SEPTIN2: variants seen among roughly 807,000 people sequenced by gnomAD.
The protein encoded by SEPTIN2 is septin 2.
In SEPTIN2, 34 loss-of-function variants were observed where a neutral mutation model predicts 46.5. The observed-to-expected ratio is 0.73, with a 90% CI of 0.56 to 0.97. The LOEUF is 0.97. Among genes scored for constraint, SEPTIN2 ranks in the 50% least tolerant of loss-of-function variants. SEPTIN2 has a pLI of 0.00. For missense variants in SEPTIN2, 347 were observed against 448.4 expected, an observed-to-expected ratio of 0.77 and a Z score of 2.04; for synonymous variants, 175 against 153.4, an observed-to-expected ratio of 1.14 and a Z score of -1.04.
intron 1 of SEPTIN2, chr2:241,316,579 G>C (rs1487184388): frequency 6.8e-7 from 1 of 1,479,790 alleles, no homozygotes; most frequent in Non-Finnish European, 9.0e-7. Flanking sequence ...GCAGGGGGTA[G>C]GGTATAGGGT....
chr2:241,317,109 TAAAG>T (rs938213155), intron 1 of SEPTIN2: 14 of 152,278 alleles, frequency 9.2e-5, no homozygotes, highest in African/African-American at 3.4e-4. Context: ...TCTGCCGTCA[TAAAG>T]AAAAACATCA....
chr2:241,343,719 T>TG, intron 8 of SEPTIN2, 33 bp from the exon 9 acceptor site: 1 of 1,613,034 alleles, frequency 6.2e-7, no homozygotes, highest in Non-Finnish European at 8.5e-7. Flanking sequence ...GTTCCCTGTG[T>TG]GGAGCCTGTC....
intron 7 of SEPTIN2, among the ~76,000 whole-genome samples, chr2:241,340,246 T>C (rs1007490473): frequency 9.2e-5 from 14 of 152,258 alleles, no homozygotes; most frequent in African/African-American, 2.7e-4. Context: ...ATTGCCGATG[T>C]GAGTATCTGT....
chr2:241,320,241 G>A (rs930957747), intron 1 of SEPTIN2: 5 of 471,006 alleles, frequency 1.1e-5, no homozygotes, highest in Admixed American at 2.3e-5. Context: ...CTTGTCCAAG[G>A]TTAGATGGAG....
chr2:241,338,981 A>C, intron 7 of SEPTIN2, among the ~76,000 whole-genome samples: 1 of 110,174 alleles, frequency 9.1e-6, no homozygotes. Flanking sequence ...ATAATATATA[A>C]ATATATTTAT....
chr2:241,316,790 G>A (rs1196258537), intron 1 of SEPTIN2: 10 of 387,944 alleles, frequency 2.6e-5, no homozygotes, highest in Admixed American at 4.6e-5. Context: ...TGAACTTCTT[G>A]TAGTTCAAAC....
At chr2:241,327,050 C>CAAAAA (rs59492636) in intron 3 of SEPTIN2, among the ~76,000 whole-genome samples, 7 of 66,022 alleles carry the variant, frequency 1.1e-4, no homozygotes, top group African/African-American at 3.6e-4. Context: ...AACCTTGTCT[C>CAAAAA]AAAAAAAAAA....
chr2:241,320,832 C>T (rs1330273642), intron 1 of SEPTIN2, among the ~76,000 whole-genome samples: 2 of 152,050 alleles, frequency 1.3e-5, no homozygotes, highest in African/African-American at 4.8e-5. Context: ...GTTTACCCTT[C>T]TTTTTCCCCC....
In SEPTIN2 at chr2:241,336,108, C is replaced by T; in HGVS notation, c.341+10C>T. ...TCAACTGCAGAGATTGGTATGCTCC[C>T]CCATGCCCAGGGATCTGCATTTGTT... On this transcript the variant is annotated intron_variant, in intron 5 of 12. Coordinates refer to ENST00000391971, the MANE Select transcript of SEPTIN2 (RefSeq NM_004404.5). 2 of 1,613,024 alleles carry T rather than the reference C, an allele frequency of 1.2e-6. No homozygotes were observed. The highest frequency in any genetic ancestry group is 8.5e-7 in the Non-Finnish European group (1 of 1,179,266).
chr2:241,351,627 A>G (rs1276322727), intron 12 of SEPTIN2: 1 of 152,260 alleles, frequency 6.6e-6, no homozygotes, highest in Non-Finnish European at 1.5e-5. Flanking sequence ...TACAGTGGAA[A>G]GAGACAAGGA....
chr2:241,335,535 T>C (rs566727560), intron 4 of SEPTIN2: 2 of 649,794 alleles, frequency 3.1e-6, no homozygotes, highest in East Asian at 5.5e-5. Flanking sequence ...AACTAGAAGA[T>C]TACTAGGATA....
chr2:241,334,986 C>A (rs989118713), intron 3 of SEPTIN2, 140 bp from the exon 4 acceptor site: 1 of 614,296 alleles, frequency 1.6e-6, no homozygotes, highest in Non-Finnish European at 2.9e-6. Context: ...ATACTGCAAA[C>A]ATAGTAGTAC....
intron 11 of SEPTIN2, among the ~76,000 whole-genome samples, chr2:241,348,787 AT>A (rs2060511984): frequency 6.6e-6 from 1 of 152,194 alleles, no homozygotes. Flanking sequence ...GATCATAAAT[AT>A]GGAAATATGC....
intron 2 of SEPTIN2, chr2:241,325,265 C>T (rs1559602400): frequency 6.6e-6 from 1 of 151,942 alleles, no homozygotes; most frequent in Non-Finnish European, 1.5e-5. Context: ...TTCAGTATGC[C>T]ACTGTCTAGA....
upstream of SEPTIN2, chr2:241,315,774 C>T (rs541041365): frequency 6.6e-6 from 1 of 152,414 alleles, no homozygotes; most frequent in African/African-American, 2.4e-5. Context: ...GGCTTGCGCA[C>T]TCGGAAGCCG....
intron 7 of SEPTIN2, among the ~76,000 whole-genome samples, chr2:241,340,158 G>A (rs1460998267): frequency 6.6e-6 from 1 of 152,108 alleles, no homozygotes; most frequent in African/African-American, 2.4e-5. Flanking sequence ...CCCTAAAACT[G>A]TCCTGGTTAT....
chr2:241,338,841 A>ATATAT (rs1559643556), intron 7 of SEPTIN2, among the ~76,000 whole-genome samples: 36 of 94,092 alleles, frequency 3.8e-4, no homozygotes, highest in Non-Finnish European at 5.3e-4. Context: ...TATATATAAT[A>ATATAT]AATATATAAT....
chr2:241,333,565 A>G (rs1203479912), intron 3 of SEPTIN2, among the ~76,000 whole-genome samples: 1 of 152,130 alleles, frequency 6.6e-6, no homozygotes, highest in East Asian at 1.9e-4. Flanking sequence ...GCTGGAGTGC[A>G]GTGGTGCGAT....
At chr2:241,318,076 TAATA>T (rs2076630115) in intron 1 of SEPTIN2, among the ~76,000 whole-genome samples, 1 of 151,104 alleles carries the variant, frequency 6.6e-6, no homozygotes, top group Non-Finnish European at 1.5e-5. Context: ...TCACATTAGT[TAATA>T]AATTATGAGA....
Sources: gnomAD v4.1 joint callset for allele counts (sites outside exome capture counted in the v4.1 genomes callset) on GRCh38, gnomAD v4.1.1 for gene constraint, MANE v1.5 for transcripts, NCBI Gene and HGNC (gene_info 2026-07-23, HGNC 2026-07-21) for gene names.